The following SORCS2 variants were observed in gnomAD, a reference collection of about 807,000 sequenced individuals.
SORCS2 encodes sortilin related VPS10 domain containing receptor 2, also known as VPS10 domain-containing receptor SorCS2.
Under a neutral mutation model 141.6 loss-of-function variants are expected in SORCS2, and 100 were observed. That is an observed-to-expected ratio of 0.71 (90% CI 0.60 to 0.83). The LOEUF (loss-of-function observed/expected upper bound fraction) is 0.83. SORCS2 is among the 40% of genes least tolerant of loss of function. The pLI, the probability that SORCS2 is intolerant of heterozygous loss-of-function variation, is 0.00. For missense variants in SORCS2, 1,646 were observed against 1,560.2 expected, an observed-to-expected ratio of 1.05 and a Z score of -0.93; for synonymous variants, 789 against 676.9, an observed-to-expected ratio of 1.17 and a Z score of -2.57.
rs527687017 is a variant in SORCS2, at chr4:7,598,332, C to T, written c.649-39996C>T. Among the ~76,000 whole-genome samples, 5 of 152,198 alleles carry T rather than the reference C, an allele frequency of 3.3e-5. No homozygotes were observed. The East Asian group carries it at 5.8e-4, about 18-fold the overall frequency. On this transcript the variant is annotated intron_variant, in intron 3 of 26. Coordinates refer to ENST00000507866, the MANE Select transcript of SORCS2 (RefSeq NM_020777.3). ...GGGGCTGGCTTTGTCCTAGGCTGCC[C>T]GATGATGCCCCAGAGAGGTTCCGTG...
chr4:7,344,979 G>C (rs1207352613), intron 1 of SORCS2, among the ~76,000 whole-genome samples: 1 of 151,978 alleles, frequency 6.6e-6, no homozygotes, highest in Non-Finnish European at 1.5e-5. Context: ...GTCTGCTTTT[G>C]ACTCGCAGAT....
rs534358891 is a variant in SORCS2, at chr4:7,292,377, T to C, written c.480+99251T>C. Among the ~76,000 whole-genome samples the C allele has an allele frequency of 2.0e-5, 3 of 152,234 alleles. No individual in the cohort carries two copies. In the East Asian group the frequency reaches 5.8e-4, roughly 29 times the overall value. On this transcript the variant is annotated intron_variant, in intron 1 of 26. Transcript: ENST00000507866. The stretch of plus-strand genomic sequence containing the variant: ...CACCCCACAGCTCCCATCACTGCAT[T>C]GAGTGCTCGGGAGATAAGAGGAACC...
chr4:7,289,840 G>A (rs537131637), intron 1 of SORCS2, among the ~76,000 whole-genome samples: 16 of 152,256 alleles, frequency 1.1e-4, no homozygotes, highest in African/African-American at 3.4e-4. Flanking sequence ...CCTTCCTCCC[G>A]AGACGCTGCA....
At chr4:7,264,481 C>A (rs920537685) in intron 1 of SORCS2, among the ~76,000 whole-genome samples, 4 of 152,174 alleles carry the variant, frequency 2.6e-5, no homozygotes, top group African/African-American at 9.7e-5. Context: ...ACTGCCTGGA[C>A]CCCGTCGAGT....
At chr4:7,340,989 A>G (rs6840521) in intron 1 of SORCS2, among the ~76,000 whole-genome samples, 2,966 of 152,288 alleles carry the variant, frequency 0.019, 103 homozygotes, top group East Asian at 0.14. Context: ...GAGCAGCTGG[A>G]ACAAACCCTG....
intron 11 of SORCS2, among the ~76,000 whole-genome samples, chr4:7,693,977 C>G (rs1294501320): frequency 6.6e-6 from 1 of 152,230 alleles, no homozygotes; most frequent in Non-Finnish European, 1.5e-5. Flanking sequence ...ACCTGGAAGA[C>G]TATGGGGCAG....
At chr4:7,420,974 C>T (rs541916663) in intron 2 of SORCS2, among the ~76,000 whole-genome samples, 19 of 152,234 alleles carry the variant, frequency 1.2e-4, no homozygotes, top group African/African-American at 3.6e-4. Flanking sequence ...CCACTCAGCA[C>T]GTGCGTACCA....
intron 2 of SORCS2, among the ~76,000 whole-genome samples, chr4:7,463,241 G>A (rs1469845401): frequency 6.6e-6 from 1 of 152,156 alleles, no homozygotes; most frequent in Non-Finnish European, 1.5e-5. Context: ...TGCTGGATTT[G>A]GTCCATGTTA....
intron 9 of SORCS2, among the ~76,000 whole-genome samples, chr4:7,680,686 ACT>A (rs1723473219): frequency 1.3e-5 from 2 of 151,842 alleles, no homozygotes; most frequent in Non-Finnish European, 2.9e-5. Flanking sequence ...TTCCCTAGAA[ACT>A]CTGGGAGGCT....
chr4:7,484,200 G>C (rs78810810), intron 2 of SORCS2, among the ~76,000 whole-genome samples: 7 of 152,160 alleles, frequency 4.6e-5, no homozygotes, highest in Non-Finnish European at 7.3e-5. Context: ...CACAGCTCGC[G>C]TCCCTGCGCC....
At position 7,519,834 on chromosome 4, in the gene SORCS2, G is replaced by A. The variant is rs1332421552; in HGVS notation, c.549-11696G>A. On this transcript the variant is annotated intron_variant, in intron 2 of 26. Coordinates refer to ENST00000507866, the MANE Select transcript of SORCS2 (RefSeq NM_020777.3). ...GGGCGCACATGGGGGCTTCTGCCGT[G>A]CTAGAGCAGCAGCTGCATTTCAGTG... 1.2e-4 allele frequency among the ~76,000 whole-genome samples: 19 copies of A among 152,314 alleles called. No homozygotes were observed. The East Asian group carries it at 3.5e-3, about 28-fold the overall frequency.
Position 7,297,513 on chromosome 4 carries a change from C to T in SORCS2, c.481-98775C>T, listed in dbSNP as rs190436705. Among the ~76,000 whole-genome samples, 496 of 152,230 alleles carry T rather than the reference C, an allele frequency of 3.3e-3. 1 individual carries two copies. Among genetic ancestry groups the T allele is most frequent in the Non-Finnish European group, 4.7e-3 (319 of 68,016 alleles). ...TCCTTCTGTCCAGACAGCCTGGGCC[C>T]TGGCCATGCCCTGCCCCCTGCTGAG... On this transcript the variant is annotated intron_variant, in intron 1 of 26. Coordinates refer to ENST00000507866, the MANE Select transcript of SORCS2 (RefSeq NM_020777.3).
chr4:7,499,038 A>G (rs1181396150), intron 2 of SORCS2, among the ~76,000 whole-genome samples: 2 of 152,100 alleles, frequency 1.3e-5, no homozygotes, highest in Non-Finnish European at 2.9e-5. Context: ...GACACGGCAC[A>G]GGGTGCATGT....
At chr4:7,297,332 C>T (rs528576008) in intron 1 of SORCS2, among the ~76,000 whole-genome samples, 1 of 152,324 alleles carries the variant, frequency 6.6e-6, no homozygotes, top group South Asian at 2.1e-4. Context: ...ACGCCCCCTT[C>T]TGCCTCTGCC....
intron 1 of SORCS2, among the ~76,000 whole-genome samples, chr4:7,197,780 T>C (rs1330583251): frequency 6.6e-6 from 1 of 152,166 alleles, no homozygotes; most frequent in Non-Finnish European, 1.5e-5. Flanking sequence ...CGTGTCGCAG[T>C]GACGAGTGGT....
intron 14 of SORCS2, among the ~76,000 whole-genome samples, chr4:7,708,351 G>A (rs931081798): frequency 3.3e-5 from 5 of 152,178 alleles, no homozygotes; most frequent in Non-Finnish European, 7.3e-5. Flanking sequence ...GGGATGCTTG[G>A]GACAGCTCTG....
intron 2 of SORCS2, among the ~76,000 whole-genome samples, chr4:7,515,215 G>A (rs1329344553): frequency 1.3e-5 from 2 of 152,220 alleles, no homozygotes; most frequent in African/African-American, 2.4e-5. Context: ...GGTCCAGTGA[G>A]TACAGTGGCC....
At chr4:7,385,320 A>C (rs1009744436) in intron 1 of SORCS2, among the ~76,000 whole-genome samples, 1 of 152,180 alleles carries the variant, frequency 6.6e-6, no homozygotes, top group Admixed American at 6.5e-5. Flanking sequence ...TTGAAATGGA[A>C]TTGATTTCTT....
intron 1 of SORCS2, among the ~76,000 whole-genome samples, chr4:7,332,374 GC>G (rs1335469842): frequency 1.3e-5 from 2 of 152,218 alleles, no homozygotes; most frequent in Admixed American, 6.5e-5. Flanking sequence ...GCAGCCTCCT[GC>G]AGACAGTGGG....
Sources: allele counts gnomAD v4.1 joint callset (sites outside exome capture counted in the v4.1 genomes callset), GRCh38; gene constraint gnomAD v4.1.1; transcripts MANE v1.5; gene names NCBI Gene and HGNC (gene_info 2026-07-23, HGNC 2026-07-21).